The following PLXNB2 variants were observed in gnomAD, a reference collection of about 807,000 sequenced individuals.
PLXNB2 encodes the protein plexin-B2.
PLXNB2 carries 85 observed loss-of-function variants against 202.6 expected under a neutral mutation model. The ratio of observed to expected loss-of-function variants is 0.42; its 90% CI spans 0.35 to 0.50. PLXNB2 has a LOEUF of 0.50. Among genes scored for constraint, PLXNB2 ranks in the 20% least tolerant of loss-of-function variants. The probability of loss-of-function intolerance (pLI) is 0.02; values close to 1 mark genes in which losing one functional copy is unlikely to be tolerated. For synonymous variants in PLXNB2, 1,239 were observed against 1,137.6 expected, an observed-to-expected ratio of 1.09 and a Z score of -1.79; for missense variants, 2,063 against 2,586.2, an observed-to-expected ratio of 0.80 and a Z score of 4.39.
At chr22:50,282,447 G>A (rs2066069964) in intron 18 of PLXNB2, 134 bp from the exon 19 acceptor site, 2 of 863,274 alleles carry the variant, frequency 2.3e-6, no homozygotes, top group African/African-American at 2.1e-5. Flanking sequence ...GTGGGCAAAG[G>A]GGCAACGCGG....
chr22:50,278,556 A>G (rs761020176), intron 29 of PLXNB2, 37 bp from the exon 30 acceptor site: 1 of 1,594,918 alleles, frequency 6.3e-7, no homozygotes. Context: ...CTGTGCCCCC[A>G]GGGTGCCCAG....
intron 23 of PLXNB2, 27 bp downstream of exon 23, chr22:50,281,062 C>T (rs1481897591): frequency 1.2e-6 from 2 of 1,607,108 alleles, no homozygotes; most frequent in Non-Finnish European, 8.5e-7. Context: ...GGAGGCGCCC[C>T]AGCACCAGCC....
chr22:50,282,944 A>G (rs1601697711), intron 17 of PLXNB2, 63 bp from the exon 18 acceptor site: 1 of 1,555,936 alleles, frequency 6.4e-7, no homozygotes, highest in Non-Finnish European at 8.7e-7. Context: ...CAGCCCGACC[A>G]GGCTGGCCCC....
chr22:50,296,301 G>A (rs1227339221), intron 1 of PLXNB2, among the ~76,000 whole-genome samples: 2 of 151,864 alleles, frequency 1.3e-5, no homozygotes, highest in Admixed American at 1.3e-4. Flanking sequence ...TGAAGTCCCG[G>A]GTACTGAGGA....
At chr22:50,295,453 G>C (rs1255870033) in intron 1 of PLXNB2, among the ~76,000 whole-genome samples, 1 of 152,108 alleles carries the variant, frequency 6.6e-6, no homozygotes, top group Non-Finnish European at 1.5e-5. Flanking sequence ...ACAGAATGGT[G>C]AGCTACCCCC....
rs2065987711 is a variant in PLXNB2, at chr22:50,281,509, G to GGGCC, written c.3523-14_3523-11dup. ...GAGAGCCGAACTTCACCTGTGTGGGGGGCCGGGTTCAGCGCGGTCCCGTGG... is the reference window on the plus strand; with the variant it reads ...GAGAGCCGAACTTCACCTGTGTGGGGGGCCGGCCGGGTTCAGCGCGGTCCCGTGG... On this transcript the variant is annotated splice_polypyrimidine_tract_variant and intron_variant, in intron 21 of 36. Transcript: ENST00000359337. 1.7e-5 allele frequency: 28 copies of GGGCC among 1,610,650 alleles called. No individual in the cohort carries two copies. The East Asian group carries it at 6.2e-4, about 36-fold the overall frequency.
In PLXNB2 at chr22:50,289,528, C is replaced by T. The variant is rs1020073040; in HGVS notation, c.1057G>A (p.Gly353Ser). ...ACTGAGGCCCATACCGGCGCGTGGC[C>T]GCCGCACTGGATATCGCCGTGGAAG... ...KPFHGDIQCG[G>S]HAPGSSKSFP... The change falls in exon 3 of 37, where the codon GGC (glycine) becomes AGC (serine). Residue 353 changes from glycine (G) to serine (S), a missense_variant. Gly to Ser is a moderately conservative substitution (Grantham distance 56, BLOSUM62 0). Around this residue, in one of 2 missense-constraint regions of PLXNB2, gnomAD observed 1,303 missense variants for 1,476.8 expected, o/e 0.88. Transcript: ENST00000359337. The surrounding 1 kb of genome is among the most constrained non-coding windows in gnomAD (Gnocchi z 8.0). 1.5e-5 allele frequency: 24 copies of T among 1,609,634 alleles called. No homozygotes were observed. The highest frequency in any genetic ancestry group is 2.2e-5 in the East Asian group (1 of 44,754).
Position 50,275,946 on chromosome 22 carries a change from C to T in PLXNB2, c.5355G>A (p.Leu1785=), listed in dbSNP as rs2147290295. ...GCTGGTGGAGTGCCACGAGGGTGTT[C>T]AAGGAGTCCGTGTGCGCCTGGGGGG... is the stretch of plus-strand genomic sequence containing the variant. ...AEISRAHTDS[L]NTLVALHQLY... is the part of the protein sequence containing the mutation. Residue 1785 remains leucine, a synonymous_variant, in exon 36 of 37, where the codon TTG becomes TTA. Coordinates refer to ENST00000359337, the MANE Select transcript of PLXNB2 (RefSeq NM_012401.4). 1.2e-6 allele frequency: 2 copies of T among 1,612,608 alleles called. No individual in the cohort carries two copies. Among genetic ancestry groups the T allele is most frequent in the East Asian group, 4.5e-5 (2 of 44,858 alleles).
At chr22:50,277,073 G>A (rs1490206837) in intron 33 of PLXNB2, among the ~76,000 whole-genome samples, 167 bp from the exon 34 acceptor site, 2 of 152,154 alleles carry the variant, frequency 1.3e-5, no homozygotes, top group Non-Finnish European at 2.9e-5. Context: ...TTGGGAGGCT[G>A]AGGCAGGCAG....
At position 50,289,106 on chromosome 22, in the gene PLXNB2, G is replaced by A. The variant is rs775894490; in HGVS notation, c.1105C>T (p.Leu369=). The change falls in exon 4 of 37, where the codon CTG becomes TTG. Residue 369 remains leucine, a synonymous_variant. Coordinates refer to ENST00000359337, the MANE Select transcript of PLXNB2 (RefSeq NM_012401.4). The surrounding 1 kb of genome is among the most constrained non-coding windows in gnomAD (Gnocchi z 8.0). ...SKSFPCGSEH[L]PYPLGSRDGL... ...TCGCGGCTGCCCAGCGGGTAGGGCAGGTGCTCCGAGCCACATGGGAAGCTC... is the reference window on the plus strand; with the variant it reads ...TCGCGGCTGCCCAGCGGGTAGGGCAAGTGCTCCGAGCCACATGGGAAGCTC... 6 of 1,587,788 alleles carry A rather than the reference G, an allele frequency of 3.8e-6. No homozygotes were observed. Among genetic ancestry groups the A allele is most frequent in the Non-Finnish European group, 4.3e-6 (5 of 1,167,712 alleles).
Position 50,284,139 on chromosome 22 carries a change from C to T in PLXNB2, c.2256G>A (p.Lys752=), listed in dbSNP as rs1487887243. The change falls in exon 13 of 37, where the codon AAG becomes AAA. Residue 752 remains lysine, a synonymous_variant. Transcript: ENST00000359337. This position sits in a 1 kb window ranked among gnomAD's most constrained non-coding sequence, Gnocchi z 8.0. ...TGCGCCCGTGGCCCCCACCATGGAG[C>T]TTGCTGTCGATATTCTTGCCGTAAG... The part of the protein sequence containing the change: ...VKSYGKNIDS[K]LHVTLYNCSF... 6.2e-7 allele frequency: 1 copy of T among 1,611,138 alleles called. No homozygotes were observed. The highest frequency in any genetic ancestry group is 1.3e-5 in the African/African-American group (1 of 74,802).
rs1477388142 is a variant in PLXNB2, at chr22:50,284,343, G to A, written c.2182-130C>T. 2.2e-6 allele frequency: 2 copies of A among 911,372 alleles called. No individual in the cohort carries two copies. The highest frequency in any genetic ancestry group is 1.8e-6 in the Non-Finnish European group (1 of 568,722). The allele number at this position is 911,372 out of a possible 1,614,324, so 56.5% of individuals were successfully genotyped here. On this transcript the variant is annotated intron_variant, in intron 12 of 36. Coordinates refer to ENST00000359337, the MANE Select transcript of PLXNB2 (RefSeq NM_012401.4). This position sits in a 1 kb window ranked among gnomAD's most constrained non-coding sequence, Gnocchi z 8.0. ...CAAGGGCAGCAGGGGAGGCCTTCAGGTGTCGGAAGTTCGGGAACCCCATGG... is the reference window on the plus strand; with the variant it reads ...CAAGGGCAGCAGGGGAGGCCTTCAGATGTCGGAAGTTCGGGAACCCCATGG...
rs372319475 is a variant in PLXNB2, at chr22:50,281,845, C to T, written c.3345+9G>A. The T allele has an allele frequency of 3.7e-5, 59 of 1,608,628 alleles. No individual in the cohort carries two copies. Among genetic ancestry groups the T allele is most frequent in the African/African-American group, 3.1e-4 (23 of 74,846 alleles). Reference sequence around the variant, plus strand: ...AGGACCCAGACACCCGGGGCTGCACCGTCCTCACCCGGGCGTGGATGAGCT... The same window carrying T: ...AGGACCCAGACACCCGGGGCTGCACTGTCCTCACCCGGGCGTGGATGAGCT... On this transcript the variant is annotated intron_variant, in intron 20 of 36. Transcript: ENST00000359337.
At position 50,302,440 on chromosome 22, in the gene PLXNB2, T is replaced by C. The variant is rs189613692; in HGVS notation, c.-74+5113A>G. On this transcript the variant is annotated intron_variant, in intron 1 of 36. Coordinates refer to ENST00000359337, the MANE Select transcript of PLXNB2 (RefSeq NM_012401.4). ...CCCCTTGCTCCACGCGGAGGCTTGC[T>C]CTGCTCATGGTGGAGCTGAGGACTT... Among the ~76,000 whole-genome samples, 324 of 152,264 alleles carry C rather than the reference T, an allele frequency of 2.1e-3. 1 individual carries two copies. Among genetic ancestry groups the C allele is most frequent in the African/African-American group, 7.5e-3 (311 of 41,550 alleles).
Position 50,284,119 on chromosome 22 carries a change from C to T in PLXNB2, c.2263+13G>A, listed in dbSNP as rs2066241093. 8.7e-6 allele frequency: 14 copies of T among 1,609,760 alleles called. No homozygotes were observed. Among genetic ancestry groups the T allele is most frequent in the Non-Finnish European group, 1.2e-5 (14 of 1,179,250 alleles). ...GTCCCCTGCCCGCCCCCCACTGCGCCCGTGGCCCCCACCATGGAGCTTGCT... is the reference window on the plus strand; with the variant it reads ...GTCCCCTGCCCGCCCCCCACTGCGCTCGTGGCCCCCACCATGGAGCTTGCT... On this transcript the variant is annotated intron_variant, in intron 13 of 36. Coordinates refer to ENST00000359337, the MANE Select transcript of PLXNB2 (RefSeq NM_012401.4). The surrounding 1 kb of genome is among the most constrained non-coding windows in gnomAD (Gnocchi z 8.0).
chr22:50,285,940 G>C (rs770464028), intron 10 of PLXNB2, 39 bp from the exon 11 acceptor site: 1 of 1,604,910 alleles, frequency 6.2e-7, no homozygotes, highest in African/African-American at 1.3e-5. Flanking sequence ...CCTGGGCACA[G>C]CGGAGCAGCC....
intron 33 of PLXNB2, 76 bp downstream of exon 33, chr22:50,277,515 A>C: frequency 7.3e-7 from 1 of 1,376,844 alleles, no homozygotes; most frequent in South Asian, 1.4e-5. Flanking sequence ...ACCCCAGACA[A>C]GGTCCCAACT....
intron 2 of PLXNB2, among the ~76,000 whole-genome samples, chr22:50,293,808 G>T (rs941297102): frequency 1.3e-5 from 2 of 152,226 alleles, no homozygotes; most frequent in African/African-American, 4.8e-5. Context: ...ACCCGCCAGG[G>T]CTGTAGGGGC....
At position 50,289,373 on chromosome 22, in the gene PLXNB2, C is replaced by G. The variant is rs925684429; in HGVS notation, c.1068+144G>C. 7 of 1,113,036 alleles carry G rather than the reference C, an allele frequency of 6.3e-6. No individual in the cohort carries two copies. The East Asian group carries it at 1.8e-4, about 29-fold the overall frequency. The allele number at this position is 1,113,036 out of a possible 1,614,324, so 68.9% of individuals were successfully genotyped here. On this transcript the variant is annotated intron_variant, in intron 3 of 36. Transcript: ENST00000359337. This position sits in a 1 kb window ranked among gnomAD's most constrained non-coding sequence, Gnocchi z 8.0. ...CCAGCGTGAATGGCATTGAGAGATG[C>G]GGCACCCACCCACGCAAGCGCCCAG... is the stretch of plus-strand genomic sequence containing the variant.
Sources: allele counts gnomAD v4.1 joint callset (sites outside exome capture counted in the v4.1 genomes callset), GRCh38; gene constraint gnomAD v4.1.1; regional missense constraint gnomAD v4.1.1; non-coding constraint Gnocchi (gnomAD v3.1); transcripts MANE v1.5; gene names NCBI Gene and HGNC (gene_info 2026-07-23, HGNC 2026-07-21).